The following PRKN variants were observed in gnomAD, a reference collection of about 807,000 sequenced individuals.
The protein encoded by PRKN is E3 ubiquitin-protein ligase parkin.
PRKN carries 56 observed loss-of-function variants against 59.5 expected under a neutral mutation model. That is an observed-to-expected ratio of 0.94 (90% confidence interval 0.76 to 1.18). The LOEUF (loss-of-function observed/expected upper bound fraction) is 1.18. PRKN is among the 50% of genes most tolerant of loss of function. PRKN has a pLI of 0.00. For synonymous variants in PRKN, 250 were observed against 222.1 expected (o/e 1.13, Z -1.12); for missense variants, 657 against 596.4 (o/e 1.10, Z -1.06).
rs182111518 is a variant in PRKN at position 162,318,984 on chromosome 6, T to C, written c.172-56219A>G. Among the ~76,000 whole-genome samples, 238 of 152,136 alleles carry C rather than the reference T, an allele frequency of 1.6e-3. 1 individual carries two copies. The highest frequency in any genetic ancestry group is 0.014 in the Middle Eastern group (4 of 294). ...CACTAAGTTATAAAAGTAGGAAGAC[T>C]GGTAGGTAATACACCAAAATGTTTA... On this transcript the variant is annotated intron_variant, in intron 2 of 11. Coordinates refer to ENST00000366898, the MANE Select transcript of PRKN (RefSeq NM_004562.3).
At chr6:162,359,752 T>C (rs1785055965) in intron 2 of PRKN, among the ~76,000 whole-genome samples, 2 of 152,102 alleles carry the variant, frequency 1.3e-5, no homozygotes, top group East Asian at 1.9e-4. Flanking sequence ...ATGATTATTA[T>C]ATAGAGAATA....
intron 1 of PRKN, among the ~76,000 whole-genome samples, chr6:162,481,232 C>A (rs1792296713): frequency 6.6e-6 from 1 of 152,146 alleles, no homozygotes; most frequent in African/African-American, 2.4e-5. Context: ...ATTGATCTAG[C>A]CAGCTTCAGA....
chr6:161,655,582 GC>G (rs1288050592), intron 7 of PRKN, among the ~76,000 whole-genome samples: 1 of 152,232 alleles, frequency 6.6e-6, no homozygotes. Flanking sequence ...CTGGGGCTAA[GC>G]TTTGCCAAAC....
chr6:161,850,522 G>A (rs1373666042), intron 6 of PRKN, among the ~76,000 whole-genome samples: 1 of 138,766 alleles, frequency 7.2e-6, no homozygotes, highest in African/African-American at 2.8e-5. Flanking sequence ...GTTGCAGTGA[G>A]CTGAGATTGC....
rs1264492934 is a variant in PRKN, at chr6:161,457,632, G to A, written c.1084-70755C>T. 6.6e-6 allele frequency among the ~76,000 whole-genome samples: 1 copy of A among 152,180 alleles called. No individual in the cohort carries two copies. Among genetic ancestry groups the A allele is most frequent in the Non-Finnish European group, 1.5e-5 (1 of 68,030 alleles). On this transcript the variant is annotated intron_variant, in intron 9 of 11. Coordinates refer to ENST00000366898, the MANE Select transcript of PRKN (RefSeq NM_004562.3). The surrounding 1 kb of genome is among the most constrained non-coding windows in gnomAD (Gnocchi z 5.0). The stretch of plus-strand genomic sequence containing the variant: ...AATGCTCTGTGATCTGAGGGCTGAA[G>A]ATACATTACTGAAAACTCCAAGAAG...
intron 1 of PRKN, among the ~76,000 whole-genome samples, chr6:162,603,309 C>A (rs1179557050): frequency 6.6e-6 from 1 of 152,158 alleles, no homozygotes. Context: ...CAGGCCTTAA[C>A]TACCAAAAAA....
chr6:161,800,035 C>G (rs537301499), intron 6 of PRKN, among the ~76,000 whole-genome samples: 1 of 152,060 alleles, frequency 6.6e-6, no homozygotes, highest in East Asian at 1.9e-4. Context: ...AGGAATTCAG[C>G]GCTTGGACAA....
chr6:162,144,184 T>G (rs1314369565), intron 4 of PRKN, among the ~76,000 whole-genome samples: 1 of 152,112 alleles, frequency 6.6e-6, no homozygotes, highest in Non-Finnish European at 1.5e-5. Context: ...TTGGTTGAGG[T>G]TAACAAAGCG....
rs535965410 is a variant in PRKN at position 161,548,411 on chromosome 6, C to G, written c.1083+443G>C. Among the ~76,000 whole-genome samples the G allele has an allele frequency of 1.1e-4, 16 of 152,330 alleles. No individual in the cohort carries two copies. The highest frequency in any genetic ancestry group is 8.3e-4 in the South Asian group (4 of 4,820). On this transcript the variant is annotated intron_variant, in intron 9 of 11. Transcript: ENST00000366898. The surrounding 1 kb of genome is among the most constrained non-coding windows in gnomAD (Gnocchi z 4.2). ...ATGACATAATAACATTTCAAGTTTT[C>G]CACATTAACCTTCATTTTATTTCTT...
chr6:161,813,343 C>T (rs1791639213), intron 6 of PRKN, among the ~76,000 whole-genome samples: 1 of 152,158 alleles, frequency 6.6e-6, no homozygotes, highest in Non-Finnish European at 1.5e-5. Context: ...GGGGATGTCC[C>T]CAGCCTCACC....
chr6:162,653,805 T>C (rs1022241713), intron 1 of PRKN, among the ~76,000 whole-genome samples: 1 of 152,246 alleles, frequency 6.6e-6, no homozygotes, highest in African/African-American at 2.4e-5. Flanking sequence ...AGTATCTAAA[T>C]ATTCTTCATA....
intron 7 of PRKN, among the ~76,000 whole-genome samples, chr6:161,729,760 T>A (rs1261854314): frequency 6.6e-6 from 1 of 152,288 alleles, no homozygotes; most frequent in East Asian, 1.9e-4. Flanking sequence ...TGCTTTCTGA[T>A]GTGTTACATT....
intron 3 of PRKN, among the ~76,000 whole-genome samples, chr6:162,240,346 TCA>T (rs1008174146): frequency 3.3e-5 from 5 of 152,318 alleles, no homozygotes; most frequent in African/African-American, 9.6e-5. Flanking sequence ...CCAACATTTC[TCA>T]GTCTCCTTCT....
At chr6:162,021,186 T>TTA (rs71004073) in intron 5 of PRKN, among the ~76,000 whole-genome samples, 57,677 of 100,434 alleles carry the variant, frequency 0.57, 18,728 homozygotes, top group East Asian at 0.75. Context: ...TGTATATATA[T>TTA]TATATATATA....
rs558836189 is a variant in PRKN at position 161,471,891 on chromosome 6, T to C, written c.1083+76963A>G. Among the ~76,000 whole-genome samples, 1 of 152,220 alleles carries C rather than the reference T, an allele frequency of 6.6e-6. No homozygotes were observed. Among genetic ancestry groups the C allele is most frequent in the East Asian group, 1.9e-4 (1 of 5,174 alleles). ...CAGCATAAACTGAAGGTGTGGATAGTTTTCTTTTGCTATGTGGTGGCAAGA... is the reference window on the plus strand; with the variant it reads ...CAGCATAAACTGAAGGTGTGGATAGCTTTCTTTTGCTATGTGGTGGCAAGA... On this transcript the variant is annotated intron_variant, in intron 9 of 11. Transcript: ENST00000366898. This position sits in a 1 kb window ranked among gnomAD's most constrained non-coding sequence, Gnocchi z 4.5.
intron 4 of PRKN, among the ~76,000 whole-genome samples, chr6:162,075,440 C>T (rs1402135968): frequency 7.2e-5 from 11 of 151,744 alleles, no homozygotes; most frequent in African/African-American, 2.2e-4. Context: ...TAACTCCCCA[C>T]ATAAAACTTA....
intron 1 of PRKN, among the ~76,000 whole-genome samples, chr6:162,465,013 T>C (rs905736806): frequency 6.6e-6 from 1 of 152,136 alleles, no homozygotes; most frequent in African/African-American, 2.4e-5. Context: ...AGCATCTATG[T>C]AACATATCCC....
At chr6:162,090,888 C>T (rs972680838) in intron 4 of PRKN, among the ~76,000 whole-genome samples, 5 of 152,120 alleles carry the variant, frequency 3.3e-5, no homozygotes, top group African/African-American at 7.2e-5. Flanking sequence ...GAGACAGACG[C>T]CACAGTCTGA....
chr6:161,432,830 G>A (rs1454066043), intron 9 of PRKN, among the ~76,000 whole-genome samples: 1 of 152,054 alleles, frequency 6.6e-6, no homozygotes, highest in African/African-American at 2.4e-5. Flanking sequence ...TACTGGCAAA[G>A]GCGTATTGAA....
Sources: gnomAD v4.1 joint callset for allele counts (sites outside exome capture counted in the v4.1 genomes callset) on GRCh38, gnomAD v4.1.1 for gene constraint, Gnocchi (gnomAD v3.1) non-coding constraint, MANE v1.5 for transcripts, NCBI Gene and HGNC (gene_info 2026-07-23, HGNC 2026-07-21) for gene names.